The following LAMA5 variants were observed in gnomAD, a reference collection of about 807,000 sequenced individuals.
LAMA5 encodes the protein laminin subunit alpha-5.
A neutral mutation model predicts 433.4 loss-of-function variants in LAMA5; 260 were observed. The observed-to-expected ratio is 0.60, with a 90% CI of 0.54 to 0.66. The LOEUF is 0.66. Ranked by LOEUF, LAMA5 falls within the 30% of genes least tolerant of loss-of-function variation. The pLI is 0.00. For synonymous variants in LAMA5, 2,620 were observed against 2,226.6 expected (o/e 1.18, Z -4.97); for missense variants, 5,378 against 5,258.5 (o/e 1.02, Z -0.70).
chr20:62,348,687 GA>G (rs1983741642), intron 6 of LAMA5, among the ~76,000 whole-genome samples: 1 of 152,024 alleles, frequency 6.6e-6, no homozygotes, highest in African/African-American at 2.4e-5. Context: ...AGGCAGATGT[GA>G]AAAAGAACCA....
At position 62,362,665 on chromosome 20, in the gene LAMA5, G is replaced by A. The variant is rs1349445886; in HGVS notation, c.298-113C>T. The A allele has an allele frequency of 2.8e-5, 27 of 955,980 alleles. No individual in the cohort carries two copies. In the African/African-American group the frequency reaches 3.8e-4, roughly 13 times the overall value. 59.2% of individuals were successfully genotyped at this position (955,980 alleles called of 1,614,324 possible). On this transcript the variant is annotated intron_variant, in intron 1 of 79. Coordinates refer to ENST00000252999, the MANE Select transcript of LAMA5 (RefSeq NM_005560.6). ...CCTGGTCCCACTGAGCTGGTTCCACGCCCAGCCTCTGCGCCCCTCATCCAC... is the reference window on the plus strand; with the variant it reads ...CCTGGTCCCACTGAGCTGGTTCCACACCCAGCCTCTGCGCCCCTCATCCAC...
In LAMA5 at chr20:62,327,961, A is replaced by G. The variant is rs1418807175; in HGVS notation, c.4702T>C (p.Phe1568Leu). The stretch of plus-strand genomic sequence containing the variant: ...GGGCGGCAGCGGGGGTAGCCATGGA[A>G]GCCCGGAGAGCAGGTATCACAGCGG... The part of the protein sequence containing the change: ...GRRCDTCSPG[F>L]HGYPRCRPCD... Residue 1568 changes from phenylalanine to leucine, a missense_variant, in exon 36 of 80, where the codon TTC becomes CTC. Physicochemically the swap from Phe to Leu is conservative, Grantham distance 22. Transcript: ENST00000252999. 1 of 1,612,464 alleles carries G rather than the reference A, an allele frequency of 6.2e-7. No homozygotes were observed. Among genetic ancestry groups the G allele is most frequent in the East Asian group, 2.2e-5 (1 of 44,852 alleles).
chr20:62,353,603 C>T (rs182862811), intron 2 of LAMA5, among the ~76,000 whole-genome samples: 15 of 152,298 alleles, frequency 9.8e-5, no homozygotes, highest in East Asian at 9.6e-4. Context: ...GGCCTACCTG[C>T]GGCCCAGGCA....
chr20:62,340,725 T>C (rs1005037990), intron 11 of LAMA5, among the ~76,000 whole-genome samples: 1 of 151,884 alleles, frequency 6.6e-6, no homozygotes, highest in Non-Finnish European at 1.5e-5. Context: ...AAAGAAAATC[T>C]CAAATTCCAA....
At chr20:62,320,058 T>TGC (rs1483062421) in intron 50 of LAMA5, among the ~76,000 whole-genome samples, 1 of 152,018 alleles carries the variant, frequency 6.6e-6, no homozygotes, top group Non-Finnish European at 1.5e-5. Flanking sequence ...GTGGCTCACG[T>TGC]CTGTAATCCC....
In LAMA5 at chr20:62,311,791, G is replaced by T. The variant is rs1441146304; in HGVS notation, c.9636-7C>A. 3 of 1,558,456 alleles carry T rather than the reference G, an allele frequency of 1.9e-6. No homozygotes were observed. Among genetic ancestry groups the T allele is most frequent in the Non-Finnish European group, 2.6e-6 (3 of 1,153,068 alleles). On this transcript the variant is annotated splice_region_variant and splice_polypyrimidine_tract_variant and intron_variant, in intron 70 of 79. Transcript: ENST00000252999. ...ATCGACATACAGCCAGACTCTGGGG[G>T]GCGGGAGGCCGGAGGCTCGGTTTTT...
intron 1 of LAMA5, among the ~76,000 whole-genome samples, chr20:62,364,348 C>T (rs1378679235): frequency 6.6e-6 from 1 of 152,220 alleles, no homozygotes; most frequent in African/African-American, 2.4e-5. Flanking sequence ...GGTCAAGACC[C>T]TCCCAGACAC....
chr20:62,357,372 CAG>C (rs1985396887), intron 2 of LAMA5, among the ~76,000 whole-genome samples: 2 of 152,218 alleles, frequency 1.3e-5, no homozygotes, highest in South Asian at 4.1e-4. Context: ...ACTGCTCGGA[CAG>C]GGCACCGGGG....
intron 1 of LAMA5, among the ~76,000 whole-genome samples, chr20:62,364,723 A>G (rs554440079): frequency 6.6e-6 from 1 of 151,640 alleles, no homozygotes; most frequent in Admixed American, 6.6e-5. Flanking sequence ...GAGGGCCACA[A>G]CCTCCCCCTG....
In LAMA5 at chr20:62,329,135, C is replaced by A. The variant is rs1387400660; in HGVS notation, c.4235+3G>T. 5.0e-6 allele frequency: 8 copies of A among 1,612,648 alleles called. No homozygotes were observed. The highest frequency in any genetic ancestry group is 6.8e-6 in the Non-Finnish European group (8 of 1,179,716). Reference sequence around the variant, plus strand: ...ACCCCTGACCTGCCAGAGCCCTGCCCACCTGATGTGGTAGCCCTGGGCTGC... The same window carrying A: ...ACCCCTGACCTGCCAGAGCCCTGCCAACCTGATGTGGTAGCCCTGGGCTGC... On this transcript the variant is annotated splice_donor_region_variant and intron_variant, in intron 33 of 79. Transcript: ENST00000252999.
In LAMA5 at chr20:62,319,739, C is replaced by T; in HGVS notation, c.6816G>A (p.Leu2272=). The change falls in exon 51 of 80, where the codon CTG becomes CTA. Residue 2272 remains leucine, a synonymous_variant. Transcript: ENST00000252999. ...CCGCCAACAGCGTCTTCGCATGGCCCAGTGTGGCCTCGGTGCCGGCCAGCA... is the reference window on the plus strand; with the variant it reads ...CCGCCAACAGCGTCTTCGCATGGCCTAGTGTGGCCTCGGTGCCGGCCAGCA... ...SQLLAGTEAT[L]GHAKTLLAAI... is the part of the protein sequence containing the mutation. The T allele has an allele frequency of 6.5e-7, 1 of 1,549,400 alleles. No individual in the cohort carries two copies. Among genetic ancestry groups the T allele is most frequent in the Non-Finnish European group, 8.7e-7 (1 of 1,147,662 alleles).
chr20:62,328,085 C>G, intron 35 of LAMA5, 75 bp from the exon 36 acceptor site: 1 of 1,584,312 alleles, frequency 6.3e-7, no homozygotes, highest in Non-Finnish European at 8.6e-7. Flanking sequence ...TAGGCACCCC[C>G]CACCCAGGCA....
intron 20 of LAMA5, 123 bp from the exon 21 acceptor site, chr20:62,334,744 CTCA>C (rs1981223938): frequency 1.5e-6 from 1 of 674,458 alleles, no homozygotes; most frequent in African/African-American, 2.8e-5. Context: ...GGGCTCAGGG[CTCA>C]GGGCTCAGGG....
At position 62,337,889 on chromosome 20, in the gene LAMA5, TC is replaced by T; in HGVS notation, c.1940del (p.Gly647GlufsTer56). The T allele has an allele frequency of 6.2e-7, 1 of 1,611,782 alleles. No individual in the cohort carries two copies. Among genetic ancestry groups the T allele is most frequent in the Non-Finnish European group, 8.5e-7 (1 of 1,179,624 alleles). ...AGCCGGGGCGGCAGCGGCACAAACCTCCCGCCCCACAGAGCTGGTCCAGGGC... is the reference window on the plus strand; with the variant it reads ...AGCCGGGGCGGCAGCGGCACAAACCTCCGCCCCACAGAGCTGGTCCAGGGC... ...RGALDQLCGA[G>X]GLCRCRPGYT... On this transcript the variant is annotated frameshift_variant, in exon 15 of 80. Coordinates refer to ENST00000252999, the MANE Select transcript of LAMA5 (RefSeq NM_005560.6). LOFTEE classifies it high-confidence loss of function.
chr20:62,338,248 G>A lies in LAMA5; in HGVS notation c.1740C>T (p.His580=). Residue 580 remains histidine (H), a synonymous_variant, in exon 13 of 80, where the codon CAC becomes CAT. Transcript: ENST00000252999. ...TCDRCAPGYF[H]FPLCQLCGCS... is the part of the protein sequence containing the mutation. ...ACCACTCACACTGGCAGAGAGGGAAGTGAAAGTAGCCGGGGGCACAGCGAT... is the reference window on the plus strand; with the variant it reads ...ACCACTCACACTGGCAGAGAGGGAAATGAAAGTAGCCGGGGGCACAGCGAT... The A allele has an allele frequency of 6.3e-7, 1 of 1,598,618 alleles. No individual in the cohort carries two copies. The highest frequency in any genetic ancestry group is 8.5e-7 in the Non-Finnish European group (1 of 1,171,680).
At chr20:62,332,062 A>AT (rs570627492) in intron 28 of LAMA5, among the ~76,000 whole-genome samples, 1 of 152,020 alleles carries the variant, frequency 6.6e-6, no homozygotes, top group East Asian at 1.9e-4. Context: ...AAAAAAAAAA[A>AT]AAAAGAAAAG....
In LAMA5 at chr20:62,327,595, A is replaced by G. The variant is rs746604954; in HGVS notation, c.4872T>C (p.Gly1624=). 1.7e-5 allele frequency: 27 copies of G among 1,612,918 alleles called. No homozygotes were observed. The South Asian group carries it at 3.0e-4, about 18-fold the overall frequency. ...CCCCAAAGCAGAAGCAGCGGGTGCA[A>G]CCTTTGGGGTTGGCAGCATCCAGTG... ...TFSLDAANPK[G]CTRCFCFGAT... is the part of the protein sequence containing the mutation. The change falls in exon 37 of 80, where the codon GGT becomes GGC. Residue 1624 remains glycine (G), a synonymous_variant. Coordinates refer to ENST00000252999, the MANE Select transcript of LAMA5 (RefSeq NM_005560.6).
chr20:62,334,435 G>A lies in LAMA5; in HGVS notation c.2582+87C>T, dbSNP rs1032123988. 7 of 1,514,128 alleles carry A rather than the reference G, an allele frequency of 4.6e-6. No homozygotes were observed. The Admixed American group carries it at 6.1e-5, about 13-fold the overall frequency. The allele number at this position is 1,514,128 out of a possible 1,614,324, so 93.8% of individuals were successfully genotyped here. A position where few individuals can be genotyped will look rare whatever the true frequency, so the allele number is the denominator to read the frequency against. On this transcript the variant is annotated intron_variant, in intron 21 of 79. Transcript: ENST00000252999. Reference sequence around the variant, plus strand: ...GTCTCCAGGGAGGGTGAGGCCTCACGTGGGCCCATGGTGAGGGACACGGAG... The same window carrying A: ...GTCTCCAGGGAGGGTGAGGCCTCACATGGGCCCATGGTGAGGGACACGGAG...
chr20:62,365,506 G>C (rs1431657605), intron 1 of LAMA5, among the ~76,000 whole-genome samples: 3 of 152,172 alleles, frequency 2.0e-5, no homozygotes, highest in Admixed American at 6.5e-5. Context: ...GCAGGCTGTG[G>C]GGGGGTGGTC....
Sources: allele counts gnomAD v4.1 joint callset (sites outside exome capture counted in the v4.1 genomes callset), GRCh38; gene constraint gnomAD v4.1.1; transcripts MANE v1.5; gene names NCBI Gene and HGNC (gene_info 2026-07-23, HGNC 2026-07-21).